Variants in ZNF808 observed in about 807,000 individuals in gnomAD.
ZNF808 encodes the protein zinc finger protein 808.
Under a neutral mutation model 8.7 loss-of-function variants are expected in ZNF808, and 5 were observed. That is an observed-to-expected ratio of 0.58 (90% CI 0.30 to 1.21). ZNF808 has a LOEUF of 1.21. Among genes scored for constraint, ZNF808 ranks in the 50% most tolerant of loss-of-function variants. The pLI is 0.07. For missense variants in ZNF808, 1,103 were observed against 1,098.4 expected (o/e 1.00, Z -0.06); for synonymous variants, 380 against 366.0 (o/e 1.04, Z -0.44).
At chr19:52,531,033 C>T (rs2059557229) in intron 1 of ZNF808, among the ~76,000 whole-genome samples, 1 of 152,228 alleles carries the variant, frequency 6.6e-6, no homozygotes, top group East Asian at 1.9e-4. Flanking sequence ...TCTGTAGTCC[C>T]ATCTACTCAG....
At chr19:52,537,872 A>G (rs141448552) in intron 2 of ZNF808, among the ~76,000 whole-genome samples, 1 of 152,296 alleles carries the variant, frequency 6.6e-6, no homozygotes, top group Non-Finnish European at 1.5e-5. Context: ...AAATATTGGT[A>G]TCAGAGGTTA....
At chr19:52,541,879 G>A (rs958783319) in intron 2 of ZNF808, among the ~76,000 whole-genome samples, 2 of 151,986 alleles carry the variant, frequency 1.3e-5, no homozygotes, top group Non-Finnish European at 2.9e-5. Flanking sequence ...CCACCTTCAG[G>A]TGTCCACGAG....
At position 52,555,167 on chromosome 19, in the gene ZNF808, C is replaced by T; in HGVS notation, c.2251C>T (p.Leu751=). The change falls in exon 5 of 5, where the codon CTA becomes TTA. Residue 751 remains leucine, a synonymous_variant. Coordinates refer to ENST00000359798, the MANE Select transcript of ZNF808 (RefSeq NM_001039886.4). ...SKTFSQKATL[L]CHRRLHSGEK... The stretch of plus-strand genomic sequence containing the variant: ...GACGTTCAGTCAGAAGGCAACCCTT[C>T]TATGCCATCGTAGACTTCATAGTGG... 1 of 1,613,272 alleles carries T rather than the reference C, an allele frequency of 6.2e-7. No homozygotes were observed. Among genetic ancestry groups the T allele is most frequent in the Non-Finnish European group, 8.5e-7 (1 of 1,179,508 alleles).
rs2059810113 is a variant in ZNF808, at chr19:52,554,312, T to C, written c.1396T>C (p.Cys466Arg). 1 of 1,613,912 alleles carries C rather than the reference T, an allele frequency of 6.2e-7. No homozygotes were observed. Among genetic ancestry groups the C allele is most frequent in the South Asian group, 1.1e-5 (1 of 91,084 alleles). ...KCKVCDTAFT[C>R]NSQLARHRRI... ...TAAGGTTTGTGATACAGCTTTCACGTGTAATTCACAGCTGGCACGACATAG... is the reference window on the plus strand; with the variant it reads ...TAAGGTTTGTGATACAGCTTTCACGCGTAATTCACAGCTGGCACGACATAG... Residue 466 changes from cysteine to arginine, a missense_variant, in exon 5 of 5, where the codon TGT becomes CGT. Cys to Arg is a radical substitution (Grantham distance 180). Coordinates refer to ENST00000359798, the MANE Select transcript of ZNF808 (RefSeq NM_001039886.4).
chr19:52,566,463 G>A (rs2059873234), downstream of ZNF808, among the ~76,000 whole-genome samples: 1 of 152,052 alleles, frequency 6.6e-6, no homozygotes, highest in South Asian at 2.1e-4. Context: ...ACTATGCTGG[G>A]CCAAAAGATA....
At chr19:52,548,068 G>T (rs1446011855) in intron 4 of ZNF808, among the ~76,000 whole-genome samples, 1 of 152,066 alleles carries the variant, frequency 6.6e-6, no homozygotes, top group Non-Finnish European at 1.5e-5. Context: ...CATCACAGAA[G>T]CGTCTCTCAC....
At chr19:52,559,320 T>C (rs1286149002), downstream of ZNF808, among the ~76,000 whole-genome samples, 2 of 152,142 alleles carry the variant, frequency 1.3e-5, no homozygotes, top group Non-Finnish European at 2.9e-5. Flanking sequence ...CTTTAAGGCA[T>C]TGAGATGTTT....
chr19:52,553,629 A>G lies in ZNF808; in HGVS notation c.713A>G (p.Lys238Arg). 6.2e-7 allele frequency: 1 copy of G among 1,614,192 alleles called. No homozygotes were observed. The highest frequency in any genetic ancestry group is 1.3e-5 in the African/African-American group (1 of 75,064). The change falls in exon 5 of 5, where the codon AAA (lysine) becomes AGA (arginine). Residue 238 changes from lysine (K) to arginine (R), a missense_variant. Physicochemically the swap from Lys to Arg is conservative, Grantham distance 26. Transcript: ENST00000359798. The part of the protein sequence containing the change: ...EKSFPCNESG[K>R]AFNCSSLLRK... ...TCTTTCCCATGTAATGAGAGTGGCA[A>G]AGCCTTTAATTGTAGCTCACTCTTA...
rs1337822732 is a variant in ZNF808, at chr19:52,555,977, C to T, written c.*349C>T. 1.6e-6 allele frequency: 1 copy of T among 632,306 alleles called. No individual in the cohort carries two copies. Among genetic ancestry groups the T allele is most frequent in the South Asian group, 1.4e-5 (1 of 71,680 alleles). 39.2% of individuals were successfully genotyped at this position (632,306 alleles called of 1,614,324 possible). On this transcript the variant is annotated 3_prime_UTR_variant, in exon 5 of 5. Transcript: ENST00000359798. ...AATCTTGCAAATGTCATCAGTGTGGCAAGGTCTTCAGTCCGAGGTCACTCC... is the reference window on the plus strand; with the variant it reads ...AATCTTGCAAATGTCATCAGTGTGGTAAGGTCTTCAGTCCGAGGTCACTCC...
In ZNF808 at chr19:52,555,588, T is replaced by C. The variant is rs61745968; in HGVS notation, c.2672T>C (p.Ile891Thr). 2.7e-3 allele frequency: 4,390 copies of C among 1,610,898 alleles called. 98 individuals are homozygous for C. In the African/African-American group the frequency reaches 0.048, roughly 18 times the overall value. The change falls in exon 5 of 5, where the codon ATT (isoleucine) becomes ACT (threonine). Residue 891 changes from isoleucine to threonine, a missense_variant. Transcript: ENST00000359798. The part of the protein sequence containing the change: ...GKAFSDRSTL[I>T]HHQAIHGIGK... ...GCCTTTAGTGACCGGTCAACACTTA[T>C]TCACCATCAGGCAATTCATGGTATA...
chr19:52,552,134 C>T (rs1205872302), intron 4 of ZNF808, among the ~76,000 whole-genome samples: 2 of 151,908 alleles, frequency 1.3e-5, no homozygotes, highest in African/African-American at 2.4e-5. Flanking sequence ...TCTCCTGCCA[C>T]AGCCTCCCGA....
chr19:52,537,186 C>CAA (rs34203524), intron 2 of ZNF808, among the ~76,000 whole-genome samples: 8 of 149,720 alleles, frequency 5.3e-5, no homozygotes, highest in South Asian at 2.1e-4. Context: ...AACTCTTTCT[C>CAA]AAAAAAAAAG....
intron 3 of ZNF808, among the ~76,000 whole-genome samples, chr19:52,544,261 C>G (rs2059700206): frequency 6.6e-6 from 1 of 152,172 alleles, no homozygotes; most frequent in African/African-American, 2.4e-5. Flanking sequence ...CTGAGCTCAA[C>G]TAATCGCTAC....
chr19:52,542,506 TATC>T (rs1483668674), intron 2 of ZNF808, among the ~76,000 whole-genome samples: 1 of 151,978 alleles, frequency 6.6e-6, no homozygotes, highest in Non-Finnish European at 1.5e-5. Flanking sequence ...CTTGTTCTGA[TATC>T]ATCTTCTCCG....
At chr19:52,532,663 CAT>C (rs1268059914) in intron 1 of ZNF808, among the ~76,000 whole-genome samples, 2 of 152,148 alleles carry the variant, frequency 1.3e-5, no homozygotes, top group African/African-American at 4.8e-5. Context: ...TAGGCTTACA[CAT>C]GTTTGTGCCC....
chr19:52,546,982 C>A (rs1022207184), intron 3 of ZNF808, among the ~76,000 whole-genome samples: 2 of 119,530 alleles, frequency 1.7e-5, no homozygotes, highest in Non-Finnish European at 1.6e-5. Context: ...GAGTGTCAGT[C>A]TGTTGCCCAG....
downstream of ZNF808, among the ~76,000 whole-genome samples, chr19:52,558,240 C>T (rs1240096571): frequency 6.6e-6 from 1 of 151,382 alleles, no homozygotes; most frequent in African/African-American, 2.4e-5. Context: ...CGCCCGCCAC[C>T]GCGCCTTGTA....
downstream of ZNF808, among the ~76,000 whole-genome samples, chr19:52,568,646 T>C (rs9676610): frequency 0.11 from 16,331 of 152,210 alleles, 1,458 homozygotes; most frequent in African/African-American, 0.25. Flanking sequence ...GTGTGTGAAA[T>C]GTTAATGTCT....
At chr19:52,565,628 T>A (rs942153013), downstream of ZNF808, among the ~76,000 whole-genome samples, 6 of 152,180 alleles carry the variant, frequency 3.9e-5, no homozygotes, top group Non-Finnish European at 8.8e-5. Flanking sequence ...CTATTTTTTA[T>A]GTAAAAATTC....
Sources: allele counts gnomAD v4.1 joint callset (sites outside exome capture counted in the v4.1 genomes callset), GRCh38; gene constraint gnomAD v4.1.1; transcripts MANE v1.5; gene names NCBI Gene and HGNC (gene_info 2026-07-23, HGNC 2026-07-21).